Variants in TAF3 observed in about 807,000 individuals in gnomAD.
TAF3 encodes transcription initiation factor TFIID subunit 3.
A neutral mutation model predicts 80.6 loss-of-function variants in TAF3; 7 were observed. The observed-to-expected ratio is 0.09, with a 90% CI of 0.05 to 0.16. The LOEUF is 0.16. Ranked by LOEUF, TAF3 falls within the 10% of genes least tolerant of loss-of-function variation. TAF3 has a pLI of 1.00. For missense variants in TAF3, 921 were observed against 1,140.2 expected (o/e 0.81, Z 2.77); for synonymous variants, 444 against 446.1 (o/e 1.00, Z 0.06).
chr10:7,969,828 G>A (rs183881383), intron 3 of TAF3, among the ~76,000 whole-genome samples: 142 of 152,264 alleles, frequency 9.3e-4, no homozygotes, highest in African/African-American at 3.3e-3. Context: ...ACACTGACCG[G>A]GGTGGAAATT....
chr10:7,818,604 C>T lies in TAF3; in HGVS notation c.-106C>T. On this transcript the variant is annotated 5_prime_UTR_variant, in exon 1 of 7. Coordinates refer to ENST00000344293, the MANE Select transcript of TAF3 (RefSeq NM_031923.4). Reference sequence around the variant, plus strand: ...TCGCCGGGGGTCCGGGGGACCCTTTCCCCGCCGCGGAAGCCCTAGAGGATG... The same window carrying T: ...TCGCCGGGGGTCCGGGGGACCCTTTTCCCGCCGCGGAAGCCCTAGAGGATG... The T allele has an allele frequency of 7.6e-7, 1 of 1,312,140 alleles. No homozygotes were observed. Among genetic ancestry groups the T allele is most frequent in the Non-Finnish European group, 1.0e-6 (1 of 999,104 alleles). The allele number at this position is 1,312,140 out of a possible 1,614,324, so 81.3% of individuals were successfully genotyped here.
intron 2 of TAF3, among the ~76,000 whole-genome samples, chr10:7,875,406 G>A (rs1245869727): frequency 6.6e-6 from 1 of 152,076 alleles, no homozygotes; most frequent in East Asian, 1.9e-4. Context: ...GCTGAATAGT[G>A]ATAATTTTTC....
chr10:7,827,323 A>AT (rs56304036), intron 2 of TAF3, among the ~76,000 whole-genome samples: 53,217 of 151,712 alleles, frequency 0.35, 9,291 homozygotes, highest in South Asian at 0.44. Flanking sequence ...GAATCAAGTA[A>AT]TTTTTTTTTG....
chr10:8,013,944 T>A, intron 6 of TAF3, 107 bp downstream of exon 6: 2 of 907,400 alleles, frequency 2.2e-6, no homozygotes, highest in Non-Finnish European at 3.6e-6. Context: ...GACCCAGGGC[T>A]GTCCTAGGGA....
At chr10:7,896,596 T>G (rs912254916) in intron 2 of TAF3, among the ~76,000 whole-genome samples, 5 of 152,234 alleles carry the variant, frequency 3.3e-5, no homozygotes, top group Non-Finnish European at 7.3e-5. Context: ...TTTAGCTAAG[T>G]TGCAGTAAGT....
At chr10:7,845,590 A>G (rs1378829895) in intron 2 of TAF3, among the ~76,000 whole-genome samples, 1 of 152,150 alleles carries the variant, frequency 6.6e-6, no homozygotes, top group Non-Finnish European at 1.5e-5. Flanking sequence ...TTTGTGAAAT[A>G]TTTTTATCTT....
chr10:7,882,627 A>G (rs12244839), intron 2 of TAF3, among the ~76,000 whole-genome samples: 1,861 of 152,302 alleles, frequency 0.012, 47 homozygotes, highest in African/African-American at 0.043. Flanking sequence ...ATAAGGAAGA[A>G]TTCTCCAACA....
chr10:7,973,055 T>A (rs1378187861), intron 3 of TAF3, among the ~76,000 whole-genome samples: 3 of 152,226 alleles, frequency 2.0e-5, no homozygotes, highest in African/African-American at 4.8e-5. Flanking sequence ...TTAGGCCATT[T>A]ACTTACTAAC....
Position 7,948,560 on chromosome 10 carries a change from A to G in TAF3, c.410-15360A>G, listed in dbSNP as rs544595318. 3.9e-5 allele frequency among the ~76,000 whole-genome samples: 6 copies of G among 152,190 alleles called. No homozygotes were observed. The East Asian group carries it at 1.2e-3, about 29-fold the overall frequency. The stretch of plus-strand genomic sequence containing the variant: ...TCTCATAATAATCTTTAAATCCTGA[A>G]TTGCTTGTTTTGTGGCTTTTGCATA... On this transcript the variant is annotated intron_variant, in intron 2 of 6. Transcript: ENST00000344293.
chr10:7,939,632 A>C (rs1187541163), intron 2 of TAF3, among the ~76,000 whole-genome samples: 2 of 148,862 alleles, frequency 1.3e-5, no homozygotes, highest in Non-Finnish European at 3.0e-5. Flanking sequence ...CTCTACCTAC[A>C]CCCCTTCCAA....
intron 2 of TAF3, among the ~76,000 whole-genome samples, chr10:7,918,833 C>T (rs1837736288): frequency 6.6e-6 from 1 of 152,186 alleles, no homozygotes; most frequent in African/African-American, 2.4e-5. Context: ...ATAACCCTTT[C>T]ATTCCAAGAT....
chr10:7,831,378 C>T (rs1836798183), intron 2 of TAF3, among the ~76,000 whole-genome samples: 1 of 152,000 alleles, frequency 6.6e-6, no homozygotes, highest in South Asian at 2.1e-4. Context: ...TGGAGTCTCA[C>T]TCCATCGCCG....
intron 2 of TAF3, among the ~76,000 whole-genome samples, chr10:7,933,902 T>C (rs2131199543): frequency 6.6e-6 from 1 of 152,352 alleles, no homozygotes; most frequent in Admixed American, 6.5e-5. Context: ...TTAGCATTTC[T>C]GAAATCCAGA....
chr10:7,921,975 T>C (rs1020256984), intron 2 of TAF3, among the ~76,000 whole-genome samples: 1 of 152,140 alleles, frequency 6.6e-6, no homozygotes, highest in African/African-American at 2.4e-5. Flanking sequence ...GAAATATAAA[T>C]GTATAATTTT....
chr10:7,868,078 G>A (rs1428827473), intron 2 of TAF3, among the ~76,000 whole-genome samples: 1 of 152,080 alleles, frequency 6.6e-6, no homozygotes, highest in African/African-American at 2.4e-5. Flanking sequence ...TGGTTGGGGG[G>A]TTGGTCTTGC....
chr10:7,936,619 C>G (rs1837923226), intron 2 of TAF3, among the ~76,000 whole-genome samples: 1 of 152,104 alleles, frequency 6.6e-6, no homozygotes, highest in Admixed American at 6.5e-5. Flanking sequence ...CAGCCTCCCC[C>G]ACTATCAACA....
At chr10:7,942,695 G>A (rs1012739175) in intron 2 of TAF3, among the ~76,000 whole-genome samples, 1 of 152,216 alleles carries the variant, frequency 6.6e-6, no homozygotes, top group African/African-American at 2.4e-5. Context: ...GGAATGTGGT[G>A]ACAGTGAAAT....
chr10:8,008,955 C>CCTCT, intron 4 of TAF3, 123 bp from the exon 5 acceptor site: 1 of 1,356,414 alleles, frequency 7.4e-7, no homozygotes, highest in Non-Finnish European at 1.0e-6. Flanking sequence ...TCTTGAGCTG[C>CCTCT]CTCTAGACGT....
At chr10:7,838,295 T>C (rs990846561) in intron 2 of TAF3, among the ~76,000 whole-genome samples, 2 of 152,192 alleles carry the variant, frequency 1.3e-5, no homozygotes, top group African/African-American at 4.8e-5. Context: ...TCTGCTGTTG[T>C]TTGGAAGTCC....
Sources: allele counts gnomAD v4.1 joint callset (sites outside exome capture counted in the v4.1 genomes callset), GRCh38; gene constraint gnomAD v4.1.1; transcripts MANE v1.5; gene names NCBI Gene and HGNC (gene_info 2026-07-23, HGNC 2026-07-21).